ROBO1: variants seen among roughly 807,000 people sequenced by gnomAD.
The protein encoded by ROBO1 is roundabout guidance receptor 1.
A neutral mutation model predicts 195.9 loss-of-function variants in ROBO1; 149 were observed. The ratio of observed to expected loss-of-function variants is 0.76; its 90% CI spans 0.67 to 0.87. The LOEUF (loss-of-function observed/expected upper bound fraction) is 0.87, where lower values mean the gene tolerates loss of function less well. Ranked by LOEUF, ROBO1 falls within the 40% of genes least tolerant of loss-of-function variation. The probability of loss-of-function intolerance (pLI) is 0.00; values close to 1 mark genes in which losing one functional copy is unlikely to be tolerated. For missense variants in ROBO1, 1,933 were observed against 2,068.3 expected (o/e 0.93, Z 1.27); for synonymous variants, 816 against 733.2 (o/e 1.11, Z -1.82).
chr3:78,730,478 T>C (rs1409816134), intron 5 of ROBO1, among the ~76,000 whole-genome samples: 1 of 70,926 alleles, frequency 1.4e-5, no homozygotes, highest in Non-Finnish European at 4.7e-5. Flanking sequence ...GCATTTAATA[T>C]TACTAATTAA....
chr3:79,435,488 T>A (rs2038851495), intron 2 of ROBO1, among the ~76,000 whole-genome samples: 1 of 152,164 alleles, frequency 6.6e-6, no homozygotes, highest in Admixed American at 6.5e-5. Context: ...AGAGCGGCAG[T>A]CATATTATTT....
At chr3:79,623,698 TA>T (rs1945081721) in intron 1 of ROBO1, among the ~76,000 whole-genome samples, 1 of 151,946 alleles carries the variant, frequency 6.6e-6, no homozygotes, top group Non-Finnish European at 1.5e-5. Context: ...GGGACTTCAA[TA>T]AACGACCAAA....
intron 2 of ROBO1, among the ~76,000 whole-genome samples, chr3:79,349,792 T>C (rs934109931): frequency 1.3e-5 from 2 of 152,172 alleles, no homozygotes; most frequent in African/African-American, 4.8e-5. Context: ...TTTCACACCG[T>C]GTACAAAAAT....
intron 3 of ROBO1, among the ~76,000 whole-genome samples, chr3:79,100,766 T>C (rs2079661168): frequency 1.3e-5 from 2 of 151,936 alleles, no homozygotes; most frequent in South Asian, 2.1e-4. Flanking sequence ...AATAAAGATA[T>C]TTCCCAGATT....
chr3:78,728,839 G>A (rs531937793), intron 5 of ROBO1, among the ~76,000 whole-genome samples: 10 of 152,310 alleles, frequency 6.6e-5, no homozygotes, highest in South Asian at 4.1e-4. Flanking sequence ...CTCCATTGGC[G>A]TCCCATATTT....
chr3:78,734,283 C>G (rs2082344408), intron 5 of ROBO1, among the ~76,000 whole-genome samples: 1 of 151,548 alleles, frequency 6.6e-6, no homozygotes, highest in South Asian at 2.1e-4. Context: ...GTGAGTGGAA[C>G]TAACTTTTGG....
chr3:78,949,555 A>G (rs2040654474), intron 3 of ROBO1, among the ~76,000 whole-genome samples: 2 of 152,146 alleles, frequency 1.3e-5, no homozygotes, highest in Admixed American at 1.3e-4. Flanking sequence ...AACCATAAAA[A>G]CCCTACAAGA....
chr3:78,904,615 G>C (rs1292490820), intron 4 of ROBO1, among the ~76,000 whole-genome samples: 7 of 150,594 alleles, frequency 4.6e-5, no homozygotes, highest in Non-Finnish European at 1.5e-5. Flanking sequence ...TGGAGTGAAC[G>C]AAAAAATGGC....
chr3:78,826,909 T>G (rs368682919), intron 4 of ROBO1, among the ~76,000 whole-genome samples: 1 of 152,242 alleles, frequency 6.6e-6, no homozygotes, highest in Non-Finnish European at 1.5e-5. Flanking sequence ...GTTTCAAATT[T>G]GGTAGCTGCC....
chr3:79,666,812 A>G (rs1946488877), intron 1 of ROBO1, among the ~76,000 whole-genome samples: 1 of 151,932 alleles, frequency 6.6e-6, no homozygotes, highest in Non-Finnish European at 1.5e-5. Context: ...ATGATTTTAG[A>G]TAACTTGAAT....
At chr3:78,679,558 G>C (rs1328133622) in intron 10 of ROBO1, among the ~76,000 whole-genome samples, 2 of 152,104 alleles carry the variant, frequency 1.3e-5, no homozygotes, top group Non-Finnish European at 2.9e-5. Context: ...GCCAAATCAT[G>C]AGTGAACTCC....
chr3:78,849,400 T>C (rs1235341310), intron 4 of ROBO1, among the ~76,000 whole-genome samples: 1 of 152,084 alleles, frequency 6.6e-6, no homozygotes. Context: ...TAACTACATA[T>C]GAAAAAATGG....
At chr3:79,414,199 T>TC (rs2037899988) in intron 2 of ROBO1, among the ~76,000 whole-genome samples, 1 of 148,284 alleles carries the variant, frequency 6.7e-6, no homozygotes, top group Admixed American at 6.7e-5. Context: ...CTCTCTCTCT[T>TC]TCTCTCTCTC....
At chr3:79,457,191 A>G (rs2039644015) in intron 2 of ROBO1, among the ~76,000 whole-genome samples, 1 of 152,212 alleles carries the variant, frequency 6.6e-6, no homozygotes, top group Non-Finnish European at 1.5e-5. Context: ...TTGAGAGCAC[A>G]GTCATTAGTA....
At chr3:79,145,773 C>T (rs1056176876) in intron 2 of ROBO1, among the ~76,000 whole-genome samples, 5 of 151,958 alleles carry the variant, frequency 3.3e-5, no homozygotes, top group African/African-American at 4.8e-5. Context: ...TCAGGTCACA[C>T]TGGCATTATT....
chr3:78,734,397 CAAAA>C (rs35325702), intron 5 of ROBO1, among the ~76,000 whole-genome samples: 3 of 134,866 alleles, frequency 2.2e-5, no homozygotes, highest in Admixed American at 7.5e-5. Context: ...CCCACCGCCA[CAAAA>C]AAAAAAAAAA....
chr3:79,711,928 T>TGGGGGGGGGGGGGGGGGGGGG (rs201361807), intron 1 of ROBO1, among the ~76,000 whole-genome samples: 1 of 14,576 alleles, frequency 6.9e-5, no homozygotes, highest in African/African-American at 1.6e-4. Context: ...GATGGGCGGG[T>TGGGGGGGGGGGGGGGGGGGGG]GGGTGGGGGA....
At chr3:79,518,843 G>GTAT (rs1941070165) in intron 2 of ROBO1, among the ~76,000 whole-genome samples, 1 of 116,636 alleles carries the variant, frequency 8.6e-6, no homozygotes, top group Non-Finnish European at 1.6e-5. Context: ...GGCTAATTCT[G>GTAT]TATTTTTTTT....
chr3:78,835,691 G>A (rs547698969), intron 4 of ROBO1, among the ~76,000 whole-genome samples: 86 of 152,210 alleles, frequency 5.7e-4, no homozygotes, highest in Admixed American at 2.2e-3. Flanking sequence ...TTAATTGACT[G>A]AAAAATGCAT....
Sources: gnomAD v4.1 joint callset for allele counts (sites outside exome capture counted in the v4.1 genomes callset) on GRCh38, gnomAD v4.1.1 for gene constraint, MANE v1.5 for transcripts, NCBI Gene and HGNC (gene_info 2026-07-23, HGNC 2026-07-21) for gene names.